Variants in CRHR2 observed in about 807,000 individuals in gnomAD.
CRHR2 encodes the protein corticotropin releasing hormone receptor 2, also known as corticotropin-releasing hormone receptor 2.
Under a neutral mutation model 57.9 loss-of-function variants are expected in CRHR2, and 53 were observed. The ratio of observed to expected loss-of-function variants is 0.92; its 90% CI spans 0.73 to 1.15. The LOEUF (loss-of-function observed/expected upper bound fraction) is 1.15. Ranked by LOEUF, CRHR2 falls within the 50% of genes most tolerant of loss-of-function variation. The probability of loss-of-function intolerance (pLI) is 0.00; values close to 1 mark genes in which losing one functional copy is unlikely to be tolerated. For missense variants in CRHR2, 532 were observed against 542.6 expected (o/e 0.98, Z 0.19); for synonymous variants, 213 against 220.9 (o/e 0.96, Z 0.32).
At chr7:30,659,422 C>A (rs527574287) in intron 8 of CRHR2, among the ~76,000 whole-genome samples, 3 of 152,206 alleles carry the variant, frequency 2.0e-5, no homozygotes, top group Non-Finnish European at 4.4e-5. Flanking sequence ...TCATCAAAAG[C>A]CTTATTCCTC....
At chr7:30,686,538 G>T, upstream of CRHR2, 3 of 1,510,760 alleles carry the variant, frequency 2.0e-6, no homozygotes, top group Non-Finnish European at 2.7e-6. Context: ...GCCAGGTGCA[G>T]TGGCTCACAC....
chr7:30,692,608 G>T (rs1239022010), intron 1 of CRHR2, among the ~76,000 whole-genome samples: 1 of 152,178 alleles, frequency 6.6e-6, no homozygotes, highest in Non-Finnish European at 1.5e-5. Context: ...CGAGCCCAGG[G>T]CCCACACAGG....
Position 30,663,704 on chromosome 7 carries a change from A to T in CRHR2, c.544-857T>A, listed in dbSNP as rs376588403. On this transcript the variant is annotated intron_variant, in intron 5 of 11. Transcript: ENST00000471646. Reference sequence around the variant, plus strand: ...CCACGCAGTGGGCCATGGCAGGGCCAGGGTCTAGACATTGGGCTTCCAGGC... The same window carrying T: ...CCACGCAGTGGGCCATGGCAGGGCCTGGGTCTAGACATTGGGCTTCCAGGC... 1.8e-4 allele frequency among the ~76,000 whole-genome samples: 27 copies of T among 152,350 alleles called. 1 individual carries two copies. The highest frequency in any genetic ancestry group is 6.5e-4 in the African/African-American group (27 of 41,588).
upstream of CRHR2, among the ~76,000 whole-genome samples, chr7:30,683,466 G>A (rs373609609): frequency 6.6e-6 from 1 of 152,148 alleles, no homozygotes; most frequent in African/African-American, 2.4e-5. Context: ...GATCTGCTGT[G>A]GCTGCACCCT....
chr7:30,692,194 G>A (rs1203366992), intron 1 of CRHR2, among the ~76,000 whole-genome samples: 1 of 152,344 alleles, frequency 6.6e-6, no homozygotes, highest in East Asian at 1.9e-4. Flanking sequence ...GTGACTCTTG[G>A]CAAGGACTTT....
At chr7:30,654,986 TG>T (rs981810500) in intron 11 of CRHR2, 52 bp downstream of exon 11, 2 of 1,598,250 alleles carry the variant, frequency 1.3e-6, no homozygotes, top group African/African-American at 2.7e-5. Flanking sequence ...TGCCCTGGAG[TG>T]GGGTCTGAGG....
chr7:30,659,071 C>A (rs1205930479), intron 8 of CRHR2, among the ~76,000 whole-genome samples: 2 of 152,342 alleles, frequency 1.3e-5, no homozygotes, highest in South Asian at 2.1e-4. Context: ...GAGAGCATAA[C>A]CCTACTTCTT....
chr7:30,668,273 A>G (rs932145152), intron 2 of CRHR2, among the ~76,000 whole-genome samples: 7 of 151,994 alleles, frequency 4.6e-5, no homozygotes, highest in African/African-American at 1.7e-4. Context: ...CCCTCCATAC[A>G]CCAGCTCCAA....
chr7:30,690,419 AGC>A (rs1784937362), intron 1 of CRHR2, among the ~76,000 whole-genome samples: 1 of 36,356 alleles, frequency 2.8e-5, no homozygotes, highest in Non-Finnish European at 5.3e-5. Context: ...CTCTATGGTC[AGC>A]GTGTGTGTGT....
chr7:30,658,763 C>T (rs979671960), intron 8 of CRHR2, among the ~76,000 whole-genome samples: 8 of 152,234 alleles, frequency 5.3e-5, no homozygotes, highest in African/African-American at 1.2e-4. Flanking sequence ...CAATCCTTTC[C>T]CATGACACCA....
Position 30,665,734 on chromosome 7 carries a change from TG to T in CRHR2, c.316-96del. 1 of 1,042,936 alleles carries T rather than the reference TG, an allele frequency of 9.6e-7. No individual in the cohort carries two copies. Among genetic ancestry groups the T allele is most frequent in the Non-Finnish European group, 1.4e-6 (1 of 701,510 alleles). The allele number at this position is 1,042,936 out of a possible 1,614,324, so 64.6% of individuals were successfully genotyped here. A position where few individuals can be genotyped will look rare whatever the true frequency, so the allele number is the denominator to read the frequency against. ...CGTGGCCACCTCTGTGTCCTGACCT[TG>T]GGGGCAGAAGTGCTCCAGGTGTCAT... is the stretch of plus-strand genomic sequence containing the variant. On this transcript the variant is annotated intron_variant, in intron 3 of 11. Coordinates refer to ENST00000471646, the MANE Select transcript of CRHR2 (RefSeq NM_001883.5). This position sits in a 1 kb window ranked among gnomAD's most constrained non-coding sequence, Gnocchi z 4.5.
In CRHR2 at chr7:30,682,313, G is replaced by C. The variant is rs539788614; in HGVS notation, c.-33C>G. 31 of 1,521,136 alleles carry C rather than the reference G, an allele frequency of 2.0e-5. 1 individual carries two copies. The South Asian group carries it at 3.6e-4, about 18-fold the overall frequency. 94.2% of individuals were successfully genotyped at this position (1,521,136 alleles called of 1,614,324 possible). A position where few individuals can be genotyped will look rare whatever the true frequency, so the allele number is the denominator to read the frequency against. On this transcript the variant is annotated 5_prime_UTR_variant, in exon 1 of 12. Coordinates refer to ENST00000471646, the MANE Select transcript of CRHR2 (RefSeq NM_001883.5). ...CGCAGCCGCGTGCGGAGAGGGAGTG[G>C]GAGTGCGCGCCCGGCGTGACTGCGA...
chr7:30,693,527 G>C (rs746770429), intron 1 of CRHR2, among the ~76,000 whole-genome samples: 37 of 152,224 alleles, frequency 2.4e-4, no homozygotes, highest in Non-Finnish European at 4.7e-4. Flanking sequence ...TGGCTGTTCA[G>C]CTATATCCTT....
upstream of CRHR2, chr7:30,686,442 CTT>C: frequency 6.5e-7 from 1 of 1,533,074 alleles, no homozygotes; most frequent in Admixed American, 2.0e-5. Flanking sequence ...CCAAGGCTCT[CTT>C]CCCATTTGAC....
At chr7:30,686,523 T>C, upstream of CRHR2, 2 of 1,507,116 alleles carry the variant, frequency 1.3e-6, no homozygotes, top group East Asian at 2.5e-5. Flanking sequence ...CCATTCGGAT[T>C]CTTGGCCAGG....
In CRHR2 at chr7:30,682,284, G is replaced by C; in HGVS notation, c.-4C>G. On this transcript the variant is annotated 5_prime_UTR_variant, in exon 1 of 12. Transcript: ENST00000471646. ...TGTGGAGCAGTGCCGCGTCCATCGCGTCCCGCAGCCGCGTGCGGAGAGGGA... is the reference window on the plus strand; with the variant it reads ...TGTGGAGCAGTGCCGCGTCCATCGCCTCCCGCAGCCGCGTGCGGAGAGGGA... 2 of 1,563,192 alleles carry C rather than the reference G, an allele frequency of 1.3e-6. No individual in the cohort carries two copies. Among genetic ancestry groups the C allele is most frequent in the African/African-American group, 2.8e-5 (2 of 71,562 alleles).
chr7:30,698,429 C>A (rs1424952036), intron 1 of CRHR2, among the ~76,000 whole-genome samples: 1 of 152,156 alleles, frequency 6.6e-6, no homozygotes, highest in Non-Finnish European at 1.5e-5. Flanking sequence ...GGCTGAGGGG[C>A]AACCCTTGCC....
At position 30,665,384 on chromosome 7, in the gene CRHR2, C is replaced by T. The variant is rs1418521062; in HGVS notation, c.425+146G>A. On this transcript the variant is annotated intron_variant, in intron 4 of 11. Transcript: ENST00000471646. This position sits in a 1 kb window ranked among gnomAD's most constrained non-coding sequence, Gnocchi z 4.5. ...CCCACATGCCTGCTGGTGATTCATG[C>T]CCTGGCACCCCACCCAAACCCCACT... 4 of 837,602 alleles carry T rather than the reference C, an allele frequency of 4.8e-6. No individual in the cohort carries two copies. Among genetic ancestry groups the T allele is most frequent in the Non-Finnish European group, 5.7e-6 (3 of 522,552 alleles). 51.9% of individuals were successfully genotyped at this position (837,602 alleles called of 1,614,324 possible).
At position 30,665,496 on chromosome 7, in the gene CRHR2, A is replaced by G; in HGVS notation, c.425+34T>C. The G allele has an allele frequency of 2.0e-6, 3 of 1,507,928 alleles. No homozygotes were observed. Among genetic ancestry groups the G allele is most frequent in the Middle Eastern group, 3.4e-4 (2 of 5,878 alleles). 93.4% of individuals were successfully genotyped at this position (1,507,928 alleles called of 1,614,324 possible). On this transcript the variant is annotated intron_variant, in intron 4 of 11. Coordinates refer to ENST00000471646, the MANE Select transcript of CRHR2 (RefSeq NM_001883.5). The surrounding 1 kb of genome is among the most constrained non-coding windows in gnomAD (Gnocchi z 4.5). Reference sequence around the variant, plus strand: ...TGAAGGGGGTGCTGTAGGGGGAGGGATGAGGAGAAAGCAAGGCGGAAGGGC... The same window carrying G: ...TGAAGGGGGTGCTGTAGGGGGAGGGGTGAGGAGAAAGCAAGGCGGAAGGGC...
Sources: allele counts gnomAD v4.1 joint callset (sites outside exome capture counted in the v4.1 genomes callset), GRCh38; gene constraint gnomAD v4.1.1; non-coding constraint Gnocchi (gnomAD v3.1); transcripts MANE v1.5; gene names NCBI Gene and HGNC (gene_info 2026-07-23, HGNC 2026-07-21).